Variants in ANO8 observed in about 807,000 individuals in gnomAD.
ANO8 encodes anoctamin-8.
Under a neutral mutation model 120.4 loss-of-function variants are expected in ANO8, and 67 were observed. That is an observed-to-expected ratio of 0.56 (90% CI 0.46 to 0.68). ANO8 has a LOEUF of 0.68. Among genes scored for constraint, ANO8 ranks in the 30% least tolerant of loss-of-function variants. The pLI, the probability that ANO8 is intolerant of heterozygous loss-of-function variation, is 0.00. For missense variants in ANO8, 1,526 were observed against 1,737.6 expected (o/e 0.88, Z 2.16); for synonymous variants, 727 against 759.2 (o/e 0.96, Z 0.70).
Position 17,330,358 on chromosome 19 carries a change from C to A in ANO8, c.1140G>T (p.Gln380His). 6.3e-7 allele frequency: 1 copy of A among 1,599,298 alleles called. No individual in the cohort carries two copies. The highest frequency in any genetic ancestry group is 8.5e-7 in the Non-Finnish European group (1 of 1,172,030). Residue 380 changes from glutamine (Q) to histidine (H), a missense_variant, in exon 9 of 18, where the codon CAG (glutamine) becomes CAT (histidine). Physicochemically the swap from Gln to His is conservative, Grantham distance 24. Coordinates refer to ENST00000159087, the MANE Select transcript of ANO8 (RefSeq NM_020959.3). ...CVFLLMLGCF[Q>H]LQELVLSVKG... ...TGAGGGTATGGGGGGTCACCTGCAG[C>A]TGGAAGCAGCCAAGCATGAGCAAGA...
In ANO8 at chr19:17,323,841, G is replaced by A; in HGVS notation, c.3375C>T (p.Arg1125=). 1 of 1,128,938 alleles carries A rather than the reference G, an allele frequency of 8.9e-7. No homozygotes were observed. The highest frequency in any genetic ancestry group is 1.7e-5 in the African/African-American group (1 of 60,444). The allele number at this position is 1,128,938 out of a possible 1,614,324, so 69.9% of individuals were successfully genotyped here. The change falls in exon 18 of 18, where the codon CGC becomes CGT. Residue 1125 remains arginine (R), a synonymous_variant. Coordinates refer to ENST00000159087, the MANE Select transcript of ANO8 (RefSeq NM_020959.3). ...APVGAPALRT[R]RSRSPAPPPP... ...GCGGCGGCGCGGGGCTCCGGCTGCG[G>A]CGGGTGCGGAGGGCAGGGGCGCCCA...
chr19:17,329,887 C>A (rs2074303943), intron 11 of ANO8, 56 bp from the exon 12 acceptor site: 4 of 1,613,706 alleles, frequency 2.5e-6, no homozygotes, highest in Admixed American at 1.7e-5. Flanking sequence ...CTCCTTGGAG[C>A]CTTCCTTGTG....
chr19:17,325,090 G>A lies in ANO8; in HGVS notation c.2958C>T (p.Gly986=). The A allele has an allele frequency of 1.2e-6, 2 of 1,613,670 alleles. No homozygotes were observed. The highest frequency in any genetic ancestry group is 1.1e-5 in the South Asian group (1 of 91,082). Reference sequence around the variant, plus strand: ...ATGTGGCCCCTGACGAGAGGAATTTGCCCTGCAGTGGGATGATCTGCTTCA... The same window carrying A: ...ATGTGGCCCCTGACGAGAGGAATTTACCCTGCAGTGGGATGATCTGCTTCA... ...MKLKQIIPLQ[G]KFLSSGATSS... Residue 986 remains glycine, a synonymous_variant, in exon 17 of 18, where the codon GGC becomes GGT. Transcript: ENST00000159087.
Position 17,323,436 on chromosome 19 carries a change from G to A in ANO8, c.*81C>T. ...ATACTGGGGGCCCTCGGGGGCTGAA[G>A]CGCATTTTGCATTTTGGAGACCGGC... On this transcript the variant is annotated 3_prime_UTR_variant, in exon 18 of 18. Transcript: ENST00000159087. 1 of 1,269,824 alleles carries A rather than the reference G, an allele frequency of 7.9e-7. No homozygotes were observed. Among genetic ancestry groups the A allele is most frequent in the African/African-American group, 1.5e-5 (1 of 65,426 alleles). The allele number at this position is 1,269,824 out of a possible 1,614,324, so 78.7% of individuals were successfully genotyped here. A position where few individuals can be genotyped will look rare whatever the true frequency, so the allele number is the denominator to read the frequency against.
In ANO8 at chr19:17,328,154, C is replaced by T; in HGVS notation, c.2226+8G>A. 7.7e-6 allele frequency: 12 copies of T among 1,557,084 alleles called. No homozygotes were observed. The highest frequency in any genetic ancestry group is 8.7e-6 in the Non-Finnish European group (10 of 1,149,032). Reference sequence around the variant, plus strand: ...CCCGCCCCCTGCGAGGCCCCGCCCCCTCCTCACCTCGTACTTCTTCATACA... The same window carrying T: ...CCCGCCCCCTGCGAGGCCCCGCCCCTTCCTCACCTCGTACTTCTTCATACA... On this transcript the variant is annotated splice_region_variant and intron_variant, in intron 13 of 17. Coordinates refer to ENST00000159087, the MANE Select transcript of ANO8 (RefSeq NM_020959.3).
chr19:17,328,687 C>G lies in ANO8; in HGVS notation c.1701G>C (p.Ala567=). 1 of 1,395,602 alleles carries G rather than the reference C, an allele frequency of 7.2e-7. No individual in the cohort carries two copies. Among genetic ancestry groups the G allele is most frequent in the Non-Finnish European group, 9.4e-7 (1 of 1,064,978 alleles). The allele number at this position is 1,395,602 out of a possible 1,614,324, so 86.5% of individuals were successfully genotyped here. Residue 567 remains alanine, a synonymous_variant, in exon 13 of 18, where the codon GCG becomes GCC. Coordinates refer to ENST00000159087, the MANE Select transcript of ANO8 (RefSeq NM_020959.3). ...CGTCCCCCTCCTCCCCGCCTTCCCC[C>G]GCCCGCCGCCGCTCCACCAGCGCCG... The part of the protein sequence containing the change: ...EEAALVERRR[A]GEGGEEGDGP...
rs1459532854 is a variant in ANO8 at position 17,333,765 on chromosome 19, G to A, written c.142C>T (p.Arg48Cys). Reference protein sequence around the residue: ...LFGKRLLQAGRYLVSHKAWMK... With the variant: ...LFGKRLLQAGCYLVSHKAWMK... ...CACGCCTTGTGGGACACCAGGTAGC[G>A]ACCAGCCTGCAGGAGCCGCTTTCCG... Residue 48 changes from arginine to cysteine, a missense_variant, in exon 2 of 18, where the codon CGC (arginine) becomes TGC (cysteine). Physicochemically the swap from Arg to Cys is radical, Grantham distance 180. This residue lies in a region of ANO8 where 322 missense variants were observed against 431.8 expected (regional missense o/e 0.75). Transcript: ENST00000159087. The surrounding 1 kb of genome is among the most constrained non-coding windows in gnomAD (Gnocchi z 7.2). 5.0e-6 allele frequency: 8 copies of A among 1,606,726 alleles called. No individual in the cohort carries two copies. Among genetic ancestry groups the A allele is most frequent in the South Asian group, 1.1e-5 (1 of 89,868 alleles).
At chr19:17,329,628 A>G (rs2074302079) in intron 12 of ANO8, 129 bp downstream of exon 12, 3 of 688,940 alleles carry the variant, frequency 4.4e-6, no homozygotes, top group East Asian at 2.7e-5. Flanking sequence ...CAACGGACGG[A>G]CAGACAGGAG....
At chr19:17,331,931 C>CTTTTTTTTTT (rs71180396) in intron 5 of ANO8, among the ~76,000 whole-genome samples, 1 of 78,604 alleles carries the variant, frequency 1.3e-5, no homozygotes, top group Non-Finnish European at 2.3e-5. Flanking sequence ...CCGCGCCCGG[C>CTTTTTTTTTT]TTTTTTTTTT....
In ANO8 at chr19:17,333,429, A is replaced by G. The variant is rs1244693159; in HGVS notation, c.343T>C (p.Tyr115His). 2 of 1,613,702 alleles carry G rather than the reference A, an allele frequency of 1.2e-6. No homozygotes were observed. Among genetic ancestry groups the G allele is most frequent in the African/African-American group, 2.7e-5 (2 of 74,930 alleles). Residue 115 changes from tyrosine (Y) to histidine (H), a missense_variant, in exon 3 of 18, where the codon TAT (tyrosine) becomes CAT (histidine). Tyr to His is a moderately conservative substitution (Grantham distance 83, BLOSUM62 2). Transcript: ENST00000159087. This position sits in a 1 kb window ranked among gnomAD's most constrained non-coding sequence, Gnocchi z 7.2. ...CAGGGACAGGGGACTCGCCTCTCAT[A>G]CGTGGCGGTGACAAAGAAGGCGTAG... The part of the protein sequence containing the change: ...RAYAFFVTAT[Y>H]ESLLRGADEL...
chr19:17,333,190 C>G lies in ANO8; in HGVS notation c.400G>C (p.Glu134Gln). The change falls in exon 4 of 18, where the codon GAG becomes CAG. Residue 134 changes from glutamate (E) to glutamine (Q), a missense_variant. Physicochemically the swap from Glu to Gln is conservative, Grantham distance 29. Coordinates refer to ENST00000159087, the MANE Select transcript of ANO8 (RefSeq NM_020959.3). This position sits in a 1 kb window ranked among gnomAD's most constrained non-coding sequence, Gnocchi z 7.2. ...AAGCCGCGGGTGCCCCCGCCAAACT[C>G]GGCCTTCACTGCTTTGCGCAGACCC... ...ELGLRKAVKA[E>Q]FGGGTRGFSC... is the part of the protein sequence containing the mutation. 6.2e-7 allele frequency: 1 copy of G among 1,610,524 alleles called. No individual in the cohort carries two copies.
chr19:17,334,454 C>T (rs937782441), intron 1 of ANO8, 111 bp downstream of exon 1: 5 of 1,008,032 alleles, frequency 5.0e-6, no homozygotes, highest in East Asian at 3.2e-5. Context: ...GCCGGCCCCT[C>T]GTCCAGACAC....
At position 17,331,829 on chromosome 19, in the gene ANO8, C is replaced by T. The variant is rs190114310; in HGVS notation, c.587-418G>A. On this transcript the variant is annotated intron_variant, in intron 5 of 17. Coordinates refer to ENST00000159087, the MANE Select transcript of ANO8 (RefSeq NM_020959.3). ...TTGTATTTTAGTAGAGACGGGGTTT[C>T]GCCATGTTGGCCAGGCTGGTCTCAA... Among the ~76,000 whole-genome samples, 5 of 151,028 alleles carry T rather than the reference C, an allele frequency of 3.3e-5. No homozygotes were observed. In the East Asian group the frequency reaches 9.7e-4, roughly 29 times the overall value.
chr19:17,330,401 G>A lies in ANO8; in HGVS notation c.1097C>T (p.Ala366Val), dbSNP rs972050703. Residue 366 changes from alanine to valine, a missense_variant, in exon 9 of 18, where the codon GCG (alanine) becomes GTG (valine). Transcript: ENST00000159087. ...QLLVSLPLCLACLVCVFLLML... is the reference protein window; with the variant it reads ...QLLVSLPLCLVCLVCVFLLML... Reference sequence around the variant, plus strand: ...GAGCAAGAAGACACAGACGAGGCACGCCAGGCACAGGGGGAGGCTCACAAG... The same window carrying A: ...GAGCAAGAAGACACAGACGAGGCACACCAGGCACAGGGGGAGGCTCACAAG... 3 of 1,581,808 alleles carry A rather than the reference G, an allele frequency of 1.9e-6. No homozygotes were observed. The highest frequency in any genetic ancestry group is 1.7e-4 in the Middle Eastern group (1 of 6,036).
chr19:17,328,279 G>C lies in ANO8; in HGVS notation c.2109C>G (p.Ser703Arg). The change falls in exon 13 of 18, where the codon AGC becomes AGG. Residue 703 changes from serine to arginine, a missense_variant. Coordinates refer to ENST00000159087, the MANE Select transcript of ANO8 (RefSeq NM_020959.3). ...GCCGTCTCTGCCTACGGGTCGAATC[G>C]CTGTTGGAGCCGGGTTCCGGGTCCG... The part of the protein sequence containing the change: ...GGPDPEPGSN[S>R]DSTRRQRRQN... 6.2e-7 allele frequency: 1 copy of C among 1,608,932 alleles called. No homozygotes were observed. Among genetic ancestry groups the C allele is most frequent in the Non-Finnish European group, 8.5e-7 (1 of 1,178,290 alleles).
rs776093186 is a variant in ANO8, at chr19:17,325,359, A to G, written c.2689T>C (p.Tyr897His). 1.3e-6 allele frequency: 2 copies of G among 1,596,226 alleles called. No homozygotes were observed. The highest frequency in any genetic ancestry group is 4.5e-5 in the East Asian group (2 of 44,782). The change falls in exon 17 of 18, where the codon TAC (tyrosine) becomes CAC (histidine). Residue 897 changes from tyrosine to histidine, a missense_variant. By Grantham distance (83) the Tyr-to-His change is moderately conservative. Around this residue, in one of 8 missense-constraint regions of ANO8, gnomAD observed 489 missense variants for 548.6 expected, o/e 0.89. Transcript: ENST00000159087. Reference sequence around the variant, plus strand: ...CGCCGCCTGCGCTGCTGCTGCTGGTAGCGATGCTGGGCCTGGCGCTCGTGT... The same window carrying G: ...CGCCGCCTGCGCTGCTGCTGCTGGTGGCGATGCTGGGCCTGGCGCTCGTGT... Reference protein sequence around the residue: ...KRHERQAQHRYQQQQRRRREE... With the variant: ...KRHERQAQHRHQQQQRRRREE...
Position 17,323,718 on chromosome 19 carries a change from C to T in ANO8, c.3498G>A (p.Gln1166=). The T allele has an allele frequency of 8.3e-7, 1 of 1,198,958 alleles. No homozygotes were observed. The highest frequency in any genetic ancestry group is 1.0e-6 in the Non-Finnish European group (1 of 967,094). 74.3% of individuals were successfully genotyped at this position (1,198,958 alleles called of 1,614,324 possible). A position where few individuals can be genotyped will look rare whatever the true frequency, so the allele number is the denominator to read the frequency against. The change falls in exon 18 of 18, where the codon CAG becomes CAA. Residue 1166 remains glutamine, a synonymous_variant. Coordinates refer to ENST00000159087, the MANE Select transcript of ANO8 (RefSeq NM_020959.3). ...GCGGEGAAPR[Q]ALAAAECPPC... ...GTGGGCACTCGGCAGCGGCCAGGGC[C>T]TGGCGGGGGGCGGCACCCTCGCCCC...
intron 12 of ANO8, 67 bp from the exon 13 acceptor site, chr19:17,329,050 C>G: frequency 1.5e-6 from 2 of 1,290,760 alleles, no homozygotes; most frequent in Admixed American, 6.4e-5. Flanking sequence ...TCGGGGGACT[C>G]ACCCTCCCTG....
In ANO8 at chr19:17,323,492, A is replaced by G. The variant is rs1211817929; in HGVS notation, c.*25T>C. The G allele has an allele frequency of 7.8e-7, 1 of 1,290,280 alleles. No homozygotes were observed. The highest frequency in any genetic ancestry group is 3.1e-5 in the Admixed American group (1 of 32,576). 79.9% of individuals were successfully genotyped at this position (1,290,280 alleles called of 1,614,324 possible). A position where few individuals can be genotyped will look rare whatever the true frequency, so the allele number is the denominator to read the frequency against. ...CTGTGAATGACTGATATTGCATATGAGAAGAGAAGGCAGGGCGGGTAGAGC... is the reference window on the plus strand; with the variant it reads ...CTGTGAATGACTGATATTGCATATGGGAAGAGAAGGCAGGGCGGGTAGAGC... On this transcript the variant is annotated 3_prime_UTR_variant, in exon 18 of 18. Transcript: ENST00000159087.
Sources: allele counts gnomAD v4.1 joint callset (sites outside exome capture counted in the v4.1 genomes callset), GRCh38; gene constraint gnomAD v4.1.1; regional missense constraint gnomAD v4.1.1; non-coding constraint Gnocchi (gnomAD v3.1); transcripts MANE v1.5; gene names NCBI Gene and HGNC (gene_info 2026-07-23, HGNC 2026-07-21).